The following ARMC3 variants were observed in gnomAD, a reference collection of about 807,000 sequenced individuals.
The protein encoded by ARMC3 is armadillo repeat containing 3, also known as armadillo repeat-containing protein 3.
Under a neutral mutation model 90.3 loss-of-function variants are expected in ARMC3, and 74 were observed. The ratio of observed to expected loss-of-function variants is 0.82; its 90% CI spans 0.68 to 0.99. The LOEUF (loss-of-function observed/expected upper bound fraction) is 0.99. ARMC3 is among the 50% of genes least tolerant of loss of function. The pLI is 0.00. For synonymous variants in ARMC3, 334 were observed against 361.8 expected, an observed-to-expected ratio of 0.92 and a Z score of 0.87; for missense variants, 958 against 1,042.8, an observed-to-expected ratio of 0.92 and a Z score of 1.12.
At chr10:22,946,054 A>G in intron 2 of ARMC3, 90 bp from the exon 3 acceptor site, 1 of 928,126 alleles carries the variant, frequency 1.1e-6, no homozygotes, top group Non-Finnish European at 1.6e-6. Flanking sequence ...TTGCAAGATT[A>G]CATTTTCTTT....
At chr10:22,934,949 G>C (rs985563334) in intron 2 of ARMC3, among the ~76,000 whole-genome samples, 10 of 152,182 alleles carry the variant, frequency 6.6e-5, no homozygotes, top group African/African-American at 2.4e-4. Context: ...CTGAGGCCTG[G>C]TGTGTGGCCA....
Position 22,968,465 on chromosome 10 carries a change from G to A in ARMC3, c.892G>A (p.Ala298Thr). 1.3e-6 allele frequency: 2 copies of A among 1,598,334 alleles called. No homozygotes were observed. Among genetic ancestry groups the A allele is most frequent in the South Asian group, 2.3e-5 (2 of 88,202 alleles). ...TGATATTCAGAAGAATGCAGCAAAA[G>A]CCATTACTAAAGCAGCTTATGATCG... ...IPDIQKNAAK[A>T]ITKAAYDPEN... Residue 298 changes from alanine (A) to threonine (T), a missense_variant, in exon 8 of 19, where the codon GCC (alanine) becomes ACC (threonine). Transcript: ENST00000298032.
At chr10:22,956,798 TTAA>T (rs1834959331) in intron 4 of ARMC3, among the ~76,000 whole-genome samples, 3 of 148,302 alleles carry the variant, frequency 2.0e-5, no homozygotes, top group African/African-American at 7.4e-5. Flanking sequence ...GTATGATATA[TTAA>T]TATGTAATTA....
chr10:23,013,799 G>T (rs1271805486), intron 16 of ARMC3, among the ~76,000 whole-genome samples: 1 of 151,668 alleles, frequency 6.6e-6, no homozygotes, highest in Non-Finnish European at 1.5e-5. Flanking sequence ...ACTGATTTGT[G>T]TTGATTTATT....
chr10:22,968,239 G>T, intron 7 of ARMC3, 67 bp from the exon 8 acceptor site: 1 of 1,433,024 alleles, frequency 7.0e-7, no homozygotes, highest in Non-Finnish European at 9.8e-7. Flanking sequence ...ATTTCCTCTT[G>T]TAGTCAAATT....
At chr10:22,993,343 A>G (rs79571578) in intron 10 of ARMC3, among the ~76,000 whole-genome samples, 3,655 of 152,336 alleles carry the variant, frequency 0.024, 139 homozygotes, top group African/African-American at 0.084. Flanking sequence ...AGTTGTCTAA[A>G]GTGTAAAATT....
At chr10:23,027,262 G>A (rs183159802) in intron 16 of ARMC3, among the ~76,000 whole-genome samples, 9 of 152,176 alleles carry the variant, frequency 5.9e-5, no homozygotes, top group Admixed American at 2.6e-4. Flanking sequence ...AACACAATAC[G>A]TCTCATCATT....
At chr10:23,003,215 A>C in intron 12 of ARMC3, 31 bp from the exon 13 acceptor site, 3 of 1,596,516 alleles carry the variant, frequency 1.9e-6, no homozygotes, top group African/African-American at 1.3e-5. Context: ...GCTTGTATAA[A>C]GCAAATAATG....
chr10:22,954,508 C>T (rs1057080341), intron 3 of ARMC3, among the ~76,000 whole-genome samples: 3 of 142,930 alleles, frequency 2.1e-5, no homozygotes, highest in Admixed American at 7.0e-5. Flanking sequence ...CAAAAAAATT[C>T]GAAAAAAAAA....
intron 4 of ARMC3, among the ~76,000 whole-genome samples, chr10:22,957,787 G>A (rs925478178): frequency 1.3e-5 from 2 of 152,116 alleles, no homozygotes; most frequent in African/African-American, 4.8e-5. Context: ...TTCTATGTTA[G>A]TATCATAATG....
intron 16 of ARMC3, among the ~76,000 whole-genome samples, chr10:23,025,992 G>A (rs1037873686): frequency 1.3e-5 from 2 of 151,994 alleles, no homozygotes; most frequent in Non-Finnish European, 2.9e-5. Context: ...GCAATGAATG[G>A]ACCAATTATT....
chr10:23,004,436 GA>G (rs199594346), intron 13 of ARMC3, among the ~76,000 whole-genome samples: 13 of 149,524 alleles, frequency 8.7e-5, no homozygotes, highest in South Asian at 2.1e-4. Context: ...AAAGGAAAAG[GA>G]AAAAAAAAAT....
chr10:23,018,223 C>G (rs1415690961), intron 16 of ARMC3, among the ~76,000 whole-genome samples: 1 of 152,194 alleles, frequency 6.6e-6, no homozygotes, highest in African/African-American at 2.4e-5. Context: ...GGAGACTTCT[C>G]TCATCATGCA....
Position 23,037,634 on chromosome 10 carries a change from A to C in ARMC3, c.*155A>C. 1 of 728,288 alleles carries C rather than the reference A, an allele frequency of 1.4e-6. No individual in the cohort carries two copies. The highest frequency in any genetic ancestry group is 2.9e-5 in the East Asian group (1 of 34,696). The allele number at this position is 728,288 out of a possible 1,614,324, so 45.1% of individuals were successfully genotyped here. ...CGTAGAAATTAGGAAGCTTGGAGTG[A>C]ACTTTGCTGTGCTTCTGATTTCAGG... is the stretch of plus-strand genomic sequence containing the variant. On this transcript the variant is annotated 3_prime_UTR_variant, in exon 19 of 19. Coordinates refer to ENST00000298032, the MANE Select transcript of ARMC3 (RefSeq NM_173081.5).
At chr10:23,010,914 T>C (rs1433476161) in intron 16 of ARMC3, among the ~76,000 whole-genome samples, 17 of 2,724 alleles carry the variant, frequency 6.2e-3, no homozygotes, top group Non-Finnish European at 0.013. Flanking sequence ...CTTCCCCTCT[T>C]CTTCCCTTCC....
intron 8 of ARMC3, among the ~76,000 whole-genome samples, chr10:22,975,338 T>A (rs1835873293): frequency 6.6e-6 from 1 of 152,162 alleles, no homozygotes; most frequent in Non-Finnish European, 1.5e-5. Context: ...GTGGATCACC[T>A]GAGGTCAGGA....
rs1036454964 is a variant in ARMC3 at position 23,038,432 on chromosome 10, G to C, written c.*953G>C. 7.2e-5 allele frequency: 11 copies of C among 152,112 alleles called. No individual in the cohort carries two copies. The highest frequency in any genetic ancestry group is 2.7e-4 in the African/African-American group (11 of 41,404). 9.4% of individuals were successfully genotyped at this position (152,112 alleles called of 1,614,324 possible). A position where few individuals can be genotyped will look rare whatever the true frequency, so the allele number is the denominator to read the frequency against. On this transcript the variant is annotated 3_prime_UTR_variant, in exon 19 of 19. Coordinates refer to ENST00000298032, the MANE Select transcript of ARMC3 (RefSeq NM_173081.5). ...CTAGAAGACGTTTTAAAGTGAATTT[G>C]ATTTTAGAAATTAAAGCTAAGATTA... is the stretch of plus-strand genomic sequence containing the variant.
At chr10:23,027,201 T>C (rs1310738399) in intron 16 of ARMC3, among the ~76,000 whole-genome samples, 7 of 152,138 alleles carry the variant, frequency 4.6e-5, no homozygotes, top group Non-Finnish European at 8.8e-5. Context: ...AAACCAGAGA[T>C]CATTTTGGGG....
intron 1 of ARMC3, among the ~76,000 whole-genome samples, chr10:22,930,566 T>C (rs1163632168): frequency 6.6e-6 from 1 of 152,188 alleles, no homozygotes; most frequent in Non-Finnish European, 1.5e-5. Flanking sequence ...AGTAGTGTGG[T>C]CTGAAGTTAG....
Sources: allele counts gnomAD v4.1 joint callset (sites outside exome capture counted in the v4.1 genomes callset), GRCh38; gene constraint gnomAD v4.1.1; transcripts MANE v1.5; gene names NCBI Gene and HGNC (gene_info 2026-07-23, HGNC 2026-07-21).